Variants in CACNA2D3 observed in about 807,000 individuals in gnomAD.
The protein encoded by CACNA2D3 is voltage-dependent calcium channel subunit alpha-2/delta-3.
Under a neutral mutation model 160.6 loss-of-function variants are expected in CACNA2D3, and 60 were observed. That is an observed-to-expected ratio of 0.37 (90% confidence interval 0.30 to 0.46). CACNA2D3 has a LOEUF of 0.46. Among genes scored for constraint, CACNA2D3 ranks in the 20% least tolerant of loss-of-function variants. CACNA2D3 has a pLI of 1.00. For synonymous variants in CACNA2D3, 558 were observed against 492.9 expected (o/e 1.13, Z -1.75); for missense variants, 1,205 against 1,365.0 (o/e 0.88, Z 1.85).
intron 2 of CACNA2D3, among the ~76,000 whole-genome samples, chr3:54,240,854 G>C (rs966094233): frequency 2.0e-5 from 3 of 152,116 alleles, no homozygotes; most frequent in Non-Finnish European, 4.4e-5. Flanking sequence ...TGATTCTCCT[G>C]TCTCAGCCTT....
intron 35 of CACNA2D3, among the ~76,000 whole-genome samples, chr3:55,024,469 A>G (rs561836570): frequency 6.6e-6 from 1 of 152,222 alleles, no homozygotes; most frequent in South Asian, 2.1e-4. Context: ...GGAGATGATT[A>G]GATCATGAGG....
intron 2 of CACNA2D3, among the ~76,000 whole-genome samples, chr3:54,158,459 C>T (rs1700282174): frequency 6.6e-6 from 1 of 152,088 alleles, no homozygotes; most frequent in South Asian, 2.1e-4. Flanking sequence ...TCCAGCCCAC[C>T]CCAGTGAGAA....
chr3:54,583,952 G>T (rs951787336), intron 9 of CACNA2D3, among the ~76,000 whole-genome samples: 3 of 149,896 alleles, frequency 2.0e-5, no homozygotes, highest in Non-Finnish European at 4.4e-5. Flanking sequence ...TCTAGCCAAA[G>T]GACCACAGAA....
At chr3:54,786,423 CTT>C (rs965123749) in intron 13 of CACNA2D3, among the ~76,000 whole-genome samples, 1 of 152,174 alleles carries the variant, frequency 6.6e-6, no homozygotes, top group Non-Finnish European at 1.5e-5. Flanking sequence ...CTTTAAGTCT[CTT>C]TTTAAGTACT....
chr3:54,157,352 G>A (rs559849606), intron 2 of CACNA2D3, among the ~76,000 whole-genome samples: 5 of 152,290 alleles, frequency 3.3e-5, no homozygotes, highest in African/African-American at 1.2e-4. Context: ...TGTGTGTAGG[G>A]GGACACAATA....
At chr3:54,773,411 AAG>A (rs774438319) in intron 13 of CACNA2D3, among the ~76,000 whole-genome samples, 10 of 152,246 alleles carry the variant, frequency 6.6e-5, no homozygotes, top group Non-Finnish European at 1.0e-4. Context: ...GACACACGTA[AAG>A]AGAAACATAA....
At chr3:54,682,722 A>G (rs1700377899) in intron 11 of CACNA2D3, among the ~76,000 whole-genome samples, 1 of 152,144 alleles carries the variant, frequency 6.6e-6, no homozygotes, top group African/African-American at 2.4e-5. Context: ...TTTTATAAAT[A>G]CATCTGGAAA....
chr3:54,467,458 G>C (rs1575472780), intron 4 of CACNA2D3, among the ~76,000 whole-genome samples: 1 of 152,348 alleles, frequency 6.6e-6, no homozygotes, highest in African/African-American at 2.4e-5. Context: ...TGGGTCTCAA[G>C]TCTTAGCTTG....
At chr3:54,436,692 C>T (rs966560016) in intron 4 of CACNA2D3, among the ~76,000 whole-genome samples, 1 of 152,162 alleles carries the variant, frequency 6.6e-6, no homozygotes, top group South Asian at 2.1e-4. Context: ...GAAAACCAAA[C>T]ACTGCGTGTT....
intron 4 of CACNA2D3, among the ~76,000 whole-genome samples, chr3:54,400,957 T>C (rs976110101): frequency 6.6e-6 from 1 of 152,016 alleles, no homozygotes; most frequent in African/African-American, 2.4e-5. Flanking sequence ...GTGAGGAAAC[T>C]CTGTGAGATT....
chr3:54,538,297 C>T (rs917144419), intron 5 of CACNA2D3, among the ~76,000 whole-genome samples: 1 of 152,164 alleles, frequency 6.6e-6, no homozygotes, highest in African/African-American at 2.4e-5. Context: ...GCCAATGAAT[C>T]CCATACCAGC....
At chr3:54,549,977 C>T (rs1051838727) in intron 5 of CACNA2D3, among the ~76,000 whole-genome samples, 3 of 152,292 alleles carry the variant, frequency 2.0e-5, no homozygotes, top group Non-Finnish European at 4.4e-5. Context: ...TATCAGGAAT[C>T]GGTTCTTGCT....
intron 4 of CACNA2D3, among the ~76,000 whole-genome samples, chr3:54,402,058 A>T (rs1403748551): frequency 1.3e-5 from 2 of 152,182 alleles, no homozygotes; most frequent in Non-Finnish European, 2.9e-5. Context: ...TATCAGTGTA[A>T]AATATCCTAT....
At chr3:54,758,571 GT>G (rs921573305) in intron 12 of CACNA2D3, among the ~76,000 whole-genome samples, 1 of 152,114 alleles carries the variant, frequency 6.6e-6, no homozygotes. Flanking sequence ...AGAAATAAGT[GT>G]TTTTTTCAGT....
At chr3:54,956,364 C>G (rs1023018084) in intron 27 of CACNA2D3, among the ~76,000 whole-genome samples, 3 of 152,198 alleles carry the variant, frequency 2.0e-5, no homozygotes, top group Non-Finnish European at 4.4e-5. Flanking sequence ...CTTGTTGACC[C>G]ACCACCAAGG....
At chr3:54,824,948 C>T (rs1424264296) in intron 14 of CACNA2D3, among the ~76,000 whole-genome samples, 1 of 152,182 alleles carries the variant, frequency 6.6e-6, no homozygotes, top group Non-Finnish European at 1.5e-5. Flanking sequence ...ATTGATTTTA[C>T]AGTTCCTTAC....
At chr3:54,625,295 ATAT>A (rs1699073155) in intron 9 of CACNA2D3, among the ~76,000 whole-genome samples, 1 of 152,112 alleles carries the variant, frequency 6.6e-6, no homozygotes, top group Admixed American at 6.5e-5. Flanking sequence ...AGAAAAAAAA[ATAT>A]TATTTTGCTA....
chr3:54,917,538 T>C (rs1002280191), intron 27 of CACNA2D3, among the ~76,000 whole-genome samples: 1 of 152,182 alleles, frequency 6.6e-6, no homozygotes, highest in Admixed American at 6.5e-5. Flanking sequence ...TCAGAGTATG[T>C]TTATGTGTGG....
At chr3:54,265,556 G>GTGTGTATATATA (rs1702485146) in intron 2 of CACNA2D3, among the ~76,000 whole-genome samples, 1 of 78,616 alleles carries the variant, frequency 1.3e-5, no homozygotes, top group Non-Finnish European at 2.3e-5. Flanking sequence ...GTGTGTGTGT[G>GTGTGTATATATA]TATAGTGTGT....
Sources: gnomAD v4.1 joint callset for allele counts (sites outside exome capture counted in the v4.1 genomes callset) on GRCh38, gnomAD v4.1.1 for gene constraint, MANE v1.5 for transcripts, NCBI Gene and HGNC (gene_info 2026-07-23, HGNC 2026-07-21) for gene names.